Variants in VAMP4 observed in about 807,000 individuals in gnomAD.
VAMP4 encodes vesicle-associated membrane protein 4.
Under a neutral mutation model 23.5 loss-of-function variants are expected in VAMP4, and 19 were observed. The ratio of observed to expected loss-of-function variants is 0.81; its 90% CI spans 0.56 to 1.19. The LOEUF (loss-of-function observed/expected upper bound fraction) is 1.19, where lower values mean the gene tolerates loss of function less well. VAMP4 is among the 50% of genes most tolerant of loss of function. The pLI, the probability that VAMP4 is intolerant of heterozygous loss-of-function variation, is 0.00. For missense variants in VAMP4, 145 were observed against 168.6 expected, an observed-to-expected ratio of 0.86 and a Z score of 0.78; for synonymous variants, 31 against 51.0, an observed-to-expected ratio of 0.61 and a Z score of 1.67.
chr1:171,723,735 GA>G (rs1655274081), intron 3 of VAMP4, among the ~76,000 whole-genome samples: 1 of 152,160 alleles, frequency 6.6e-6, no homozygotes, highest in Non-Finnish European at 1.5e-5. Flanking sequence ...CTCAGCTTAC[GA>G]AGATGACGGG....
At chr1:171,720,247 G>A (rs907587314) in intron 3 of VAMP4, among the ~76,000 whole-genome samples, 1 of 151,666 alleles carries the variant, frequency 6.6e-6, no homozygotes, top group Non-Finnish European at 1.5e-5. Flanking sequence ...AACTAGGCAA[G>A]AACTTACAAG....
At chr1:171,715,578 A>T (rs895018128) in intron 4 of VAMP4, among the ~76,000 whole-genome samples, 1 of 152,182 alleles carries the variant, frequency 6.6e-6, no homozygotes, top group Non-Finnish European at 1.5e-5. Context: ...TCTCTACTTT[A>T]CTTGTGAGAA....
intron 2 of VAMP4, among the ~76,000 whole-genome samples, chr1:171,736,421 G>A (rs1469530518): frequency 6.6e-6 from 1 of 152,100 alleles, no homozygotes; most frequent in Non-Finnish European, 1.5e-5. Flanking sequence ...TCAATTCCTT[G>A]CATGGGGAAC....
chr1:171,711,881 C>A (rs1371100991), intron 4 of VAMP4, among the ~76,000 whole-genome samples: 1 of 152,070 alleles, frequency 6.6e-6, no homozygotes, highest in African/African-American at 2.4e-5. Flanking sequence ...AGTTATAATA[C>A]CATATTTTTA....
intron 2 of VAMP4, among the ~76,000 whole-genome samples, chr1:171,734,267 C>CACAA (rs1655663989): frequency 1.3e-5 from 1 of 79,658 alleles, no homozygotes; most frequent in Non-Finnish European, 2.5e-5. Flanking sequence ...GACTCCGTCT[C>CACAA]AAAAAAAAAA....
At chr1:171,726,744 G>C (rs942909585) in intron 3 of VAMP4, among the ~76,000 whole-genome samples, 1 of 152,002 alleles carries the variant, frequency 6.6e-6, no homozygotes, top group African/African-American at 2.4e-5. Context: ...TAGTGACCTT[G>C]AGTTTGGGAA....
chr1:171,733,024 G>A (rs1296185522), intron 2 of VAMP4, among the ~76,000 whole-genome samples: 2 of 151,958 alleles, frequency 1.3e-5, no homozygotes, highest in South Asian at 4.1e-4. Context: ...CCCAATAGAA[G>A]AAATGGCCAA....
intron 3 of VAMP4, among the ~76,000 whole-genome samples, chr1:171,726,633 T>C (rs1255034857): frequency 1.3e-5 from 2 of 152,278 alleles, no homozygotes; most frequent in East Asian, 3.9e-4. Flanking sequence ...GTTTCATCCT[T>C]ACCTCAAATA....
In VAMP4 at chr1:171,710,705, G is replaced by C. The variant is rs780882568; in HGVS notation, c.265+9C>G. 2 of 1,573,348 alleles carry C rather than the reference G, an allele frequency of 1.3e-6. No individual in the cohort carries two copies. The highest frequency in any genetic ancestry group is 1.7e-6 in the Non-Finnish European group (2 of 1,152,328). ...TTAGTAATATCAAGAAATACATGAA[G>C]ATCTGTACCTGATTTGTCCTGTAGT... On this transcript the variant is annotated intron_variant, in intron 5 of 7. Transcript: ENST00000236192.
At chr1:171,708,337 C>CAA (rs200077955) in intron 6 of VAMP4, among the ~76,000 whole-genome samples, 930 of 87,384 alleles carry the variant, frequency 0.011, 28 homozygotes, top group South Asian at 0.062. Context: ...AAGAGTGCCA[C>CAA]AAAAAAAAAA....
chr1:171,706,736 T>C (rs1374319764), intron 6 of VAMP4, among the ~76,000 whole-genome samples: 1 of 152,210 alleles, frequency 6.6e-6, no homozygotes, highest in Non-Finnish European at 1.5e-5. Context: ...CCATTTGAAT[T>C]GCATGGCCTA....
At chr1:171,729,701 A>C (rs960595871) in intron 2 of VAMP4, among the ~76,000 whole-genome samples, 1 of 152,064 alleles carries the variant, frequency 6.6e-6, no homozygotes, top group Non-Finnish European at 1.5e-5. Context: ...GCTCTGCTGC[A>C]CAGGCTGGAG....
intron 4 of VAMP4, among the ~76,000 whole-genome samples, chr1:171,718,550 T>C (rs1016308223): frequency 1.3e-5 from 2 of 152,194 alleles, no homozygotes; most frequent in South Asian, 4.1e-4. Context: ...AAATAATATA[T>C]ACCTCAAAGG....
At chr1:171,715,062 A>G (rs1394854721) in intron 4 of VAMP4, among the ~76,000 whole-genome samples, 1 of 152,188 alleles carries the variant, frequency 6.6e-6, no homozygotes, top group African/African-American at 2.4e-5. Context: ...ATAAGGAAAT[A>G]TATGTCAGAG....
chr1:171,712,253 C>T (rs1208310616), intron 4 of VAMP4, among the ~76,000 whole-genome samples: 4 of 151,988 alleles, frequency 2.6e-5, no homozygotes, highest in Non-Finnish European at 5.9e-5. Context: ...AAATTTTTTA[C>T]AATACACAAA....
chr1:171,723,133 G>C (rs1655251494), intron 3 of VAMP4, among the ~76,000 whole-genome samples: 1 of 152,108 alleles, frequency 6.6e-6, no homozygotes, highest in African/African-American at 2.4e-5. Context: ...AAAGGGGAGG[G>C]AGTGTACTAA....
rs372839885 is a variant in VAMP4, at chr1:171,723,975, C to T, written c.113+4549G>A. ...CAGTCCCTCCATTCGGGGTCGCTGA[C>T]TTCCCACAACGGATTATAAATCATG... On this transcript the variant is annotated intron_variant, in intron 3 of 7. Coordinates refer to ENST00000236192, the MANE Select transcript of VAMP4 (RefSeq NM_003762.5). Among the ~76,000 whole-genome samples, 11 of 152,256 alleles carry T rather than the reference C, an allele frequency of 7.2e-5. 1 individual carries two copies. The highest frequency in any genetic ancestry group is 2.0e-4 in the Admixed American group (3 of 15,288).
chr1:171,741,560 C>T (rs1655925288), intron 1 of VAMP4, among the ~76,000 whole-genome samples: 1 of 151,116 alleles, frequency 6.6e-6, no homozygotes. Context: ...CTGCTCCTAA[C>T]GCTGGCCCTT....
At chr1:171,721,072 C>T (rs1006293483) in intron 3 of VAMP4, among the ~76,000 whole-genome samples, 1 of 151,894 alleles carries the variant, frequency 6.6e-6, no homozygotes, top group Non-Finnish European at 1.5e-5. Flanking sequence ...TCAATAGATA[C>T]AAAATAAATG....
Sources: allele counts gnomAD v4.1 joint callset (sites outside exome capture counted in the v4.1 genomes callset), GRCh38; gene constraint gnomAD v4.1.1; transcripts MANE v1.5; gene names NCBI Gene and HGNC (gene_info 2026-07-23, HGNC 2026-07-21).